Variants in COBLL1 observed in about 807,000 individuals in gnomAD.
COBLL1 encodes cordon-bleu WH2 repeat protein like 1, also known as cordon-bleu protein-like 1.
Under a neutral mutation model 94.8 loss-of-function variants are expected in COBLL1, and 50 were observed. The observed-to-expected ratio is 0.53, with a 90% CI of 0.42 to 0.67. The LOEUF is 0.67. COBLL1 is among the 30% of genes least tolerant of loss of function. The probability of loss-of-function intolerance (pLI) is 0.00; values close to 1 mark genes in which losing one functional copy is unlikely to be tolerated. For missense variants in COBLL1, 1,362 were observed against 1,348.7 expected, an observed-to-expected ratio of 1.01 and a Z score of -0.15; for synonymous variants, 448 against 473.8, an observed-to-expected ratio of 0.95 and a Z score of 0.71.
intron 2 of COBLL1, among the ~76,000 whole-genome samples, chr2:164,831,017 C>T (rs188341686): frequency 6.6e-6 from 1 of 152,252 alleles, no homozygotes; most frequent in Non-Finnish European, 1.5e-5. Flanking sequence ...GGATCACAAG[C>T]ATTTAAAATT....
At chr2:164,686,849 A>G (rs1485415974) in intron 13 of COBLL1, among the ~76,000 whole-genome samples, 1 of 152,254 alleles carries the variant, frequency 6.6e-6, no homozygotes. Flanking sequence ...ATTTAGATTC[A>G]TAACCAAACA....
At chr2:164,799,900 T>C (rs1221125090) in intron 2 of COBLL1, among the ~76,000 whole-genome samples, 3 of 152,184 alleles carry the variant, frequency 2.0e-5, no homozygotes, top group Non-Finnish European at 4.4e-5. Flanking sequence ...GCTAAAAATA[T>C]GAATCCAGAG....
chr2:164,716,521 A>G (rs1685180505), intron 7 of COBLL1, among the ~76,000 whole-genome samples: 1 of 152,194 alleles, frequency 6.6e-6, no homozygotes, highest in African/African-American at 2.4e-5. Context: ...AATGTGAAAG[A>G]GGGTACATAG....
intron 2 of COBLL1, among the ~76,000 whole-genome samples, chr2:164,822,778 A>ATTG (rs1311168961): frequency 7.8e-6 from 1 of 127,416 alleles, no homozygotes; most frequent in Non-Finnish European, 1.7e-5. Flanking sequence ...TATTATTATT[A>ATTG]TTATTTTGGA....
chr2:164,785,623 T>C (rs555165806), intron 2 of COBLL1, among the ~76,000 whole-genome samples: 85 of 152,240 alleles, frequency 5.6e-4, no homozygotes, highest in Admixed American at 1.2e-3. Flanking sequence ...CGAAATATTT[T>C]CATAGGAGCT....
At chr2:164,777,359 C>T (rs1003319333) in intron 2 of COBLL1, among the ~76,000 whole-genome samples, 4 of 148,862 alleles carry the variant, frequency 2.7e-5, no homozygotes, top group African/African-American at 1.0e-4. Context: ...CACACACACA[C>T]ATTACTGTTA....
intron 2 of COBLL1, among the ~76,000 whole-genome samples, chr2:164,663,992 T>G (rs1303274017): frequency 6.6e-6 from 1 of 152,236 alleles, no homozygotes; most frequent in African/African-American, 2.4e-5. Context: ...CTTTTTGCTT[T>G]TACTAAAATG....
At chr2:164,668,240 A>T (rs1691195678) in intron 1 of COBLL1, among the ~76,000 whole-genome samples, 1 of 151,706 alleles carries the variant, frequency 6.6e-6, no homozygotes, top group Admixed American at 6.6e-5. Flanking sequence ...CTGAGATTAC[A>T]CGTGTGAGCC....
Position 164,729,957 on chromosome 2 carries a change from G to T in COBLL1, c.389C>A (p.Pro130Gln). ...MLEVEKVILK[P>Q]KMLDKKKPTP... ...AGGTTTTTTCTTATCCAACATTTTT[G>T]GCTTTAAAATTACCTTCTCTACCTC... The change falls in exon 4 of 14, where the codon CCA becomes CAA. Residue 130 changes from proline to glutamine, a missense_variant. Transcript: ENST00000652658. The T allele has an allele frequency of 6.2e-7, 1 of 1,613,604 alleles. No individual in the cohort carries two copies. Among genetic ancestry groups the T allele is most frequent in the South Asian group, 1.1e-5 (1 of 91,052 alleles).
chr2:164,746,171 T>A lies in COBLL1; in HGVS notation c.42-2296A>T, dbSNP rs565965374. On this transcript the variant is annotated intron_variant, in intron 2 of 13. Coordinates refer to ENST00000652658, the MANE Select transcript of COBLL1 (RefSeq NM_001365672.2). Reference sequence around the variant, plus strand: ...AATTCCGCCAGCTCTATATCATAAATAGACCCAGAATCCACCAACCACCTG... The same window carrying A: ...AATTCCGCCAGCTCTATATCATAAAAAGACCCAGAATCCACCAACCACCTG... Among the ~76,000 whole-genome samples the A allele has an allele frequency of 1.2e-4, 19 of 152,260 alleles. 1 individual carries two copies. Among genetic ancestry groups the A allele is most frequent in the South Asian group, 2.1e-4 (1 of 4,820 alleles).
intron 2 of COBLL1, among the ~76,000 whole-genome samples, chr2:164,778,497 A>G (rs11688531): frequency 0.27 from 41,506 of 151,940 alleles, 6,035 homozygotes; most frequent in East Asian, 0.44. Context: ...CAGCTACTCA[A>G]GAGGCTGAGG....
chr2:164,668,237 T>G (rs1362051264), intron 1 of COBLL1, among the ~76,000 whole-genome samples: 1 of 151,740 alleles, frequency 6.6e-6, no homozygotes, highest in Non-Finnish European at 1.5e-5. Flanking sequence ...GTGCTGAGAT[T>G]ACACGTGTGA....
Position 164,694,937 on chromosome 2 carries a change from T to C in COBLL1, c.2455A>G (p.Met819Val). The change falls in exon 12 of 14, where the codon ATG becomes GTG. Residue 819 changes from methionine to valine, a missense_variant. Physicochemically the swap from Met to Val is conservative, Grantham distance 21. Coordinates refer to ENST00000652658, the MANE Select transcript of COBLL1 (RefSeq NM_001365672.2). Reference protein sequence around the residue: ...PSSVSSPDDAMVSPLKPAPKM... With the variant: ...PSSVSSPDDAVVSPLKPAPKM... Reference sequence around the variant, plus strand: ...GGAGCAGGTTTCAGAGGACTAACCATGGCATCATCAGGTGAGCTCACAGAA... The same window carrying C: ...GGAGCAGGTTTCAGAGGACTAACCACGGCATCATCAGGTGAGCTCACAGAA... 1 of 1,613,962 alleles carries C rather than the reference T, an allele frequency of 6.2e-7. No homozygotes were observed. Among genetic ancestry groups the C allele is most frequent in the East Asian group, 2.2e-5 (1 of 44,856 alleles).
chr2:164,672,655 C>A (rs1049209667), intron 1 of COBLL1, among the ~76,000 whole-genome samples: 1 of 146,334 alleles, frequency 6.8e-6, no homozygotes, highest in East Asian at 2.0e-4. Flanking sequence ...GCCGAGATTG[C>A]GCCACTGCAG....
chr2:164,814,099 C>T (rs967164424), intron 2 of COBLL1, among the ~76,000 whole-genome samples: 2 of 152,028 alleles, frequency 1.3e-5, no homozygotes, highest in African/African-American at 4.8e-5. Context: ...ACAGTATACA[C>T]TAAAATAATA....
At position 164,705,042 on chromosome 2, in the gene COBLL1, T is replaced by C. The variant is rs764604402; in HGVS notation, c.1060A>G (p.Asn354Asp). 2 of 1,602,820 alleles carry C rather than the reference T, an allele frequency of 1.2e-6. No individual in the cohort carries two copies. The highest frequency in any genetic ancestry group is 2.2e-5 in the South Asian group (2 of 89,060). Residue 354 changes from asparagine (N) to aspartate (D), a missense_variant, in exon 8 of 14, where the codon AAT (asparagine) becomes GAT (aspartate). By Grantham distance (23) the Asn-to-Asp change is conservative (BLOSUM62 1). Transcript: ENST00000652658. ...CGCTTTGTCCTTCTCAAAGATGAATTCCCTGCAGACATGCTGCTGAGCTGC... is the reference window on the plus strand; with the variant it reads ...CGCTTTGTCCTTCTCAAAGATGAATCCCCTGCAGACATGCTGCTGAGCTGC... ...SLQLSSMSAG[N>D]SSLRRTKRKA...
intron 2 of COBLL1, among the ~76,000 whole-genome samples, chr2:164,815,415 A>AT (rs1257461476): frequency 2.9e-4 from 44 of 149,480 alleles, no homozygotes; most frequent in Non-Finnish European, 6.1e-4. Flanking sequence ...AAAAAAAAAA[A>AT]AGATTCACAG....
At chr2:164,791,509 C>T (rs1162777721) in intron 2 of COBLL1, among the ~76,000 whole-genome samples, 1 of 152,042 alleles carries the variant, frequency 6.6e-6, no homozygotes, top group Non-Finnish European at 1.5e-5. Flanking sequence ...TATATACATA[C>T]CTATATACAC....
At position 164,754,681 on chromosome 2, in the gene COBLL1, G is replaced by A. The variant is rs145448098; in HGVS notation, c.42-10806C>T. On this transcript the variant is annotated intron_variant, in intron 2 of 13. Coordinates refer to ENST00000652658, the MANE Select transcript of COBLL1 (RefSeq NM_001365672.2). The stretch of plus-strand genomic sequence containing the variant: ...TCGCTGTTCTAAAGCACTGCTCCTG[G>A]CATCACCTACATTTAGAGCACATCG... 3.2e-4 allele frequency among the ~76,000 whole-genome samples: 48 copies of A among 152,288 alleles called. No homozygotes were observed. The East Asian group carries it at 8.5e-3, about 27-fold the overall frequency.
Sources: gnomAD v4.1 joint callset for allele counts (sites outside exome capture counted in the v4.1 genomes callset) on GRCh38, gnomAD v4.1.1 for gene constraint, MANE v1.5 for transcripts, NCBI Gene and HGNC (gene_info 2026-07-23, HGNC 2026-07-21) for gene names.